The following WASL variants were observed in gnomAD, a reference collection of about 807,000 sequenced individuals.
WASL encodes actin nucleation-promoting factor WASL.
Under a neutral mutation model 55.5 loss-of-function variants are expected in WASL, and 20 were observed. The ratio of observed to expected loss-of-function variants is 0.36; its 90% CI spans 0.25 to 0.52. The LOEUF (loss-of-function observed/expected upper bound fraction) is 0.52, where lower values mean the gene tolerates loss of function less well. Ranked by LOEUF, WASL falls within the 20% of genes least tolerant of loss-of-function variation. The probability of loss-of-function intolerance (pLI) is 0.92; values close to 1 mark genes in which losing one functional copy is unlikely to be tolerated. For missense variants in WASL, 504 were observed against 622.5 expected (o/e 0.81, Z 2.03); for synonymous variants, 249 against 217.6 (o/e 1.14, Z -1.27).
intron 1 of WASL, among the ~76,000 whole-genome samples, chr7:123,732,456 A>G (rs1804156502): frequency 6.6e-6 from 1 of 152,242 alleles, no homozygotes; most frequent in South Asian, 2.1e-4. Context: ...AGTAATCTAG[A>G]TTAAATGGGC....
At chr7:123,714,214 A>G (rs371710198) in intron 1 of WASL, among the ~76,000 whole-genome samples, 11 of 152,316 alleles carry the variant, frequency 7.2e-5, no homozygotes, top group African/African-American at 2.2e-4. Flanking sequence ...AAAACAATGT[A>G]TCTGGCAGGG....
At chr7:123,697,130 A>G (rs950622141) in intron 5 of WASL, among the ~76,000 whole-genome samples, 1 of 151,128 alleles carries the variant, frequency 6.6e-6, no homozygotes, top group Admixed American at 6.6e-5. Flanking sequence ...AAAGTAAAGT[A>G]TCTATTTTTG....
At chr7:123,708,138 C>T (rs1235674863) in intron 2 of WASL, among the ~76,000 whole-genome samples, 1 of 152,024 alleles carries the variant, frequency 6.6e-6, no homozygotes. Context: ...GTAAGCTGTG[C>T]ACTCCAGGCT....
intron 1 of WASL, among the ~76,000 whole-genome samples, chr7:123,711,017 T>C (rs937932270): frequency 3.9e-5 from 6 of 152,158 alleles, no homozygotes; most frequent in African/African-American, 1.4e-4. Flanking sequence ...TATGGTGCTG[T>C]CAAAATACAT....
intron 1 of WASL, among the ~76,000 whole-genome samples, chr7:123,728,203 A>G (rs1804082236): frequency 2.0e-5 from 3 of 152,200 alleles, no homozygotes; most frequent in African/African-American, 7.2e-5. Context: ...AAAAACTCAC[A>G]TTTGTTTAAC....
intron 2 of WASL, among the ~76,000 whole-genome samples, chr7:123,707,904 G>A (rs1031674834): frequency 2.0e-5 from 3 of 152,124 alleles, no homozygotes; most frequent in Admixed American, 2.0e-4. Flanking sequence ...CACTAATTTA[G>A]CCCGGGACTG....
intron 1 of WASL, among the ~76,000 whole-genome samples, chr7:123,713,635 G>C (rs1803794559): frequency 6.6e-6 from 1 of 152,050 alleles, no homozygotes; most frequent in African/African-American, 2.4e-5. Context: ...AAACTAACAT[G>C]AGAAAATCCA....
intron 1 of WASL, among the ~76,000 whole-genome samples, chr7:123,712,983 A>G (rs1803783332): frequency 6.6e-6 from 1 of 152,160 alleles, no homozygotes; most frequent in Non-Finnish European, 1.5e-5. Context: ...CTAGACCACA[A>G]AAAGACTAGA....
chr7:123,685,765 T>G (rs188740676), intron 10 of WASL, among the ~76,000 whole-genome samples: 33 of 150,916 alleles, frequency 2.2e-4, no homozygotes, highest in African/African-American at 7.5e-4. Flanking sequence ...CATACTTCTA[T>G]ATTATACTGA....
rs1803464543 is a variant in WASL, at chr7:123,694,637, T to C, written c.826+78A>G. The C allele has an allele frequency of 3.4e-6, 5 of 1,462,598 alleles. No individual in the cohort carries two copies. In the Admixed American group the frequency reaches 8.1e-5, roughly 24 times the overall value. 90.6% of individuals were successfully genotyped at this position (1,462,598 alleles called of 1,614,324 possible). ...CTGCTCAAGGAAGGGTTCACATGTA[T>C]GAATGTTAACTGGTTTCCATGAAAC... On this transcript the variant is annotated intron_variant, in intron 8 of 10. Coordinates refer to ENST00000223023, the MANE Select transcript of WASL (RefSeq NM_003941.4).
chr7:123,722,564 T>C (rs1189320884), intron 1 of WASL, among the ~76,000 whole-genome samples: 1 of 152,196 alleles, frequency 6.6e-6, no homozygotes, highest in Non-Finnish European at 1.5e-5. Flanking sequence ...ACGCCTGTAA[T>C]CCTAGCACAT....
intron 3 of WASL, 107 bp from the exon 4 acceptor site, chr7:123,706,480 A>G (rs1020785203): frequency 9.5e-7 from 1 of 1,049,374 alleles, no homozygotes; most frequent in Non-Finnish European, 1.4e-6. Flanking sequence ...CGAAAGGTTA[A>G]TTTTACTAGC....
chr7:123,732,432 T>C (rs1437761812), intron 1 of WASL, among the ~76,000 whole-genome samples: 3 of 152,188 alleles, frequency 2.0e-5, no homozygotes, highest in African/African-American at 7.2e-5. Flanking sequence ...AAAAACTCTA[T>C]GCCTACAAAT....
intron 1 of WASL, chr7:123,720,247 T>G (rs1362844127): frequency 2.4e-6 from 1 of 414,608 alleles, no homozygotes; most frequent in Non-Finnish European, 4.6e-6. Context: ...AATCTTAAAA[T>G]TATCCAAAAT....
Position 123,689,030 on chromosome 7 carries a change from C to A in WASL, c.1456+12G>T. ...TGTCTCTCTCTCTCTCTCTCTCTCT[C>A]TCTCTCTCTACCTGAAGAATGAATG... On this transcript the variant is annotated intron_variant, in intron 10 of 10. Transcript: ENST00000223023. The A allele has an allele frequency of 6.3e-7, 1 of 1,591,262 alleles. No individual in the cohort carries two copies. Among genetic ancestry groups the A allele is most frequent in the South Asian group, 1.1e-5 (1 of 90,740 alleles).
intron 1 of WASL, among the ~76,000 whole-genome samples, chr7:123,727,171 C>A (rs556255560): frequency 6.6e-6 from 1 of 152,220 alleles, no homozygotes; most frequent in South Asian, 2.1e-4. Context: ...AACAAAAGGA[C>A]TGACCACATA....
At chr7:123,737,513 T>C (rs1804255456) in intron 1 of WASL, among the ~76,000 whole-genome samples, 1 of 149,104 alleles carries the variant, frequency 6.7e-6, no homozygotes, top group Non-Finnish European at 1.5e-5. Flanking sequence ...GGAGAATCTC[T>C]TGACCTGGGA....
At chr7:123,720,244 A>G in intron 1 of WASL, 1 of 414,876 alleles carries the variant, frequency 2.4e-6, no homozygotes, top group South Asian at 1.8e-5. Flanking sequence ...CAGAATCTTA[A>G]AATTATCCAA....
intron 5 of WASL, among the ~76,000 whole-genome samples, chr7:123,699,973 G>A (rs1441409550): frequency 7.9e-5 from 12 of 151,806 alleles, no homozygotes; most frequent in African/African-American, 2.7e-4. Flanking sequence ...TCAGGAGGTC[G>A]AGACCATCCT....
Sources: allele counts gnomAD v4.1 joint callset (sites outside exome capture counted in the v4.1 genomes callset), GRCh38; gene constraint gnomAD v4.1.1; transcripts MANE v1.5; gene names NCBI Gene and HGNC (gene_info 2026-07-23, HGNC 2026-07-21).